Variants in RNF13 observed in about 807,000 individuals in gnomAD.
The protein encoded by RNF13 is ring finger protein 13, also known as E3 ubiquitin-protein ligase RNF13.
In RNF13, 19 loss-of-function variants were observed where a neutral mutation model predicts 37.7. The ratio of observed to expected loss-of-function variants is 0.50; its 90% CI spans 0.35 to 0.74. The LOEUF (loss-of-function observed/expected upper bound fraction) is 0.74. Among genes scored for constraint, RNF13 ranks in the 30% least tolerant of loss-of-function variants. The pLI, the probability that RNF13 is intolerant of heterozygous loss-of-function variation, is 0.01. For synonymous variants in RNF13, 144 were observed against 157.8 expected (o/e 0.91, Z 0.65); for missense variants, 375 against 453.0 (o/e 0.83, Z 1.56).
intron 4 of RNF13, among the ~76,000 whole-genome samples, chr3:149,887,307 A>T (rs1254124692): frequency 6.6e-6 from 1 of 152,180 alleles, no homozygotes; most frequent in Non-Finnish European, 1.5e-5. Flanking sequence ...TCAGTAAGGA[A>T]ACACAAGACT....
At chr3:149,927,655 T>G (rs939765490) in intron 8 of RNF13, among the ~76,000 whole-genome samples, 2 of 152,224 alleles carry the variant, frequency 1.3e-5, no homozygotes, top group African/African-American at 4.8e-5. Flanking sequence ...AATATAGCTA[T>G]CCTAATGGGT....
intron 1 of RNF13, among the ~76,000 whole-genome samples, chr3:149,841,289 T>A (rs183736614): frequency 1.3e-5 from 2 of 152,286 alleles, no homozygotes; most frequent in African/African-American, 4.8e-5. Context: ...AAGGGCAGAT[T>A]TAAGTGAAAA....
intron 1 of RNF13, among the ~76,000 whole-genome samples, chr3:149,824,153 A>T (rs1183488744): frequency 6.6e-6 from 1 of 152,276 alleles, no homozygotes; most frequent in African/African-American, 2.4e-5. Flanking sequence ...CCCATTGAAT[A>T]AAACAGTAAT....
chr3:149,837,029 G>C lies in RNF13; in HGVS notation c.-16-8982G>C, dbSNP rs548102004. The stretch of plus-strand genomic sequence containing the variant: ...TTAATGTGTACCAGGTTTCAGTTTG[G>C]GAAGATGAGAAAATTCTAGGGATGG... On this transcript the variant is annotated intron_variant, in intron 1 of 9. Coordinates refer to ENST00000392894, the MANE Select transcript of RNF13 (RefSeq NM_183381.3). Among the ~76,000 whole-genome samples, 3 of 152,268 alleles carry C rather than the reference G, an allele frequency of 2.0e-5. No homozygotes were observed. In the East Asian group the frequency reaches 5.8e-4, roughly 29 times the overall value.
chr3:149,902,292 CATT>C, intron 6 of RNF13, 130 bp downstream of exon 6: 1 of 470,042 alleles, frequency 2.1e-6, no homozygotes, highest in Non-Finnish European at 3.8e-6. Context: ...CTTTTTAAAT[CATT>C]ATGCTTTTAA....
chr3:149,934,234 T>C (rs1171848319), intron 8 of RNF13, among the ~76,000 whole-genome samples: 1 of 152,172 alleles, frequency 6.6e-6, no homozygotes, highest in African/African-American at 2.4e-5. Context: ...TTTTCATTTA[T>C]ACTTTGAGTG....
intron 6 of RNF13, among the ~76,000 whole-genome samples, chr3:149,906,473 G>GT (rs991922777): frequency 6.6e-6 from 1 of 152,028 alleles, no homozygotes; most frequent in African/African-American, 2.4e-5. Context: ...GAGGGTTCCA[G>GT]TTTTTCCTTC....
intron 8 of RNF13, among the ~76,000 whole-genome samples, chr3:149,945,210 T>C (rs978831862): frequency 6.6e-6 from 1 of 152,256 alleles, no homozygotes; most frequent in Non-Finnish European, 1.5e-5. Flanking sequence ...TTGGTTACTG[T>C]AGCCTTGTAG....
intron 3 of RNF13, among the ~76,000 whole-genome samples, chr3:149,863,197 A>G (rs549981023): frequency 2.9e-4 from 44 of 152,322 alleles, no homozygotes; most frequent in African/African-American, 9.4e-4. Context: ...AGCAAATTGT[A>G]TCAACTTTAA....
chr3:149,862,173 A>G (rs1220684578), intron 3 of RNF13, among the ~76,000 whole-genome samples: 1 of 152,134 alleles, frequency 6.6e-6, no homozygotes, highest in African/African-American at 2.4e-5. Context: ...ACAATTTATT[A>G]TAGTACTTAA....
At position 149,902,154 on chromosome 3, in the gene RNF13, TGA is replaced by T; in HGVS notation, c.493_494del (p.Glu165LysfsTer12). 2.0e-6 allele frequency: 3 copies of T among 1,464,510 alleles called. No individual in the cohort carries two copies. Among genetic ancestry groups the T allele is most frequent in the Non-Finnish European group, 2.8e-6 (3 of 1,080,906 alleles). 90.7% of individuals were successfully genotyped at this position (1,464,510 alleles called of 1,614,324 possible). ...ATTCTCTGAAAGATGAATTCACATA[TGA>T]AAAAGGGTAAGTAATGGATATAAAA... ...ANSLKDEFTYEKGGHLILVPE... is the reference protein window; with the variant it reads ...ANSLKDEFTYXKGGHLILVPE... On this transcript the variant is annotated frameshift_variant, in exon 6 of 10. Coordinates refer to ENST00000392894, the MANE Select transcript of RNF13 (RefSeq NM_183381.3). LOFTEE classifies it high-confidence loss of function.
chr3:149,867,340 A>G (rs994710839), intron 3 of RNF13, among the ~76,000 whole-genome samples: 1 of 151,004 alleles, frequency 6.6e-6, no homozygotes, highest in Non-Finnish European at 1.5e-5. Context: ...ATCTCGGCTC[A>G]CTGCAAGCTC....
At chr3:149,944,632 T>A (rs1199943153) in intron 8 of RNF13, among the ~76,000 whole-genome samples, 2 of 152,238 alleles carry the variant, frequency 1.3e-5, no homozygotes, top group African/African-American at 4.8e-5. Flanking sequence ...GTTCATATCC[T>A]TCGCCCACTT....
chr3:149,866,600 G>T (rs1303952121), intron 3 of RNF13, among the ~76,000 whole-genome samples: 2 of 152,126 alleles, frequency 1.3e-5, no homozygotes, highest in African/African-American at 4.8e-5. Context: ...CAGCCTAGTA[G>T]GTCTCAGTCT....
chr3:149,827,675 A>G (rs552143375), intron 1 of RNF13, among the ~76,000 whole-genome samples: 8 of 152,318 alleles, frequency 5.3e-5, no homozygotes, highest in South Asian at 4.1e-4. Flanking sequence ...ATAGAAAGTC[A>G]TATTATAATA....
intron 3 of RNF13, among the ~76,000 whole-genome samples, chr3:149,864,008 A>ATTTTTTTTT (rs535062004): frequency 3.4e-5 from 1 of 29,654 alleles, no homozygotes; most frequent in African/African-American, 1.6e-4. Flanking sequence ...TTTGATTGGA[A>ATTTTTTTTT]TTTTTTTTTT....
At chr3:149,947,954 T>C (rs961746425) in intron 8 of RNF13, among the ~76,000 whole-genome samples, 1 of 152,140 alleles carries the variant, frequency 6.6e-6, no homozygotes, top group Non-Finnish European at 1.5e-5. Context: ...TGTGTGCTTT[T>C]TGTTTGTTTG....
chr3:149,940,904 A>G (rs1416072304), intron 8 of RNF13, among the ~76,000 whole-genome samples: 1 of 152,060 alleles, frequency 6.6e-6, no homozygotes, highest in Non-Finnish European at 1.5e-5. Flanking sequence ...CTTTTCTACA[A>G]TTTGACTACT....
At chr3:149,935,605 A>T (rs556783883) in intron 8 of RNF13, among the ~76,000 whole-genome samples, 1 of 152,304 alleles carries the variant, frequency 6.6e-6, no homozygotes, top group Admixed American at 6.5e-5. Flanking sequence ...CTTATAAGTT[A>T]TTCTGAATAT....
Sources: allele counts gnomAD v4.1 joint callset (sites outside exome capture counted in the v4.1 genomes callset), GRCh38; gene constraint gnomAD v4.1.1; transcripts MANE v1.5; gene names NCBI Gene and HGNC (gene_info 2026-07-23, HGNC 2026-07-21).